Variants in DOCK9 observed in about 807,000 individuals in gnomAD.
The protein encoded by DOCK9 is dedicator of cytokinesis 9.
In DOCK9, 89 loss-of-function variants were observed where a neutral mutation model predicts 263.3. The observed-to-expected ratio is 0.34, with a 90% CI of 0.28 to 0.40. DOCK9 has a LOEUF of 0.40. Among genes scored for constraint, DOCK9 ranks in the 10% least tolerant of loss-of-function variants. The pLI, the probability that DOCK9 is intolerant of heterozygous loss-of-function variation, is 1.00. For missense variants in DOCK9, 2,140 were observed against 2,603.4 expected, an observed-to-expected ratio of 0.82 and a Z score of 3.87; for synonymous variants, 976 against 973.1, an observed-to-expected ratio of 1.00 and a Z score of -0.06.
chr13:98,976,913 A>T (rs2060331198), intron 1 of DOCK9, among the ~76,000 whole-genome samples: 2 of 146,970 alleles, frequency 1.4e-5, no homozygotes, highest in Non-Finnish European at 3.0e-5. Flanking sequence ...CTTCATGGTA[A>T]CATCAACTGA....
chr13:98,927,359 C>T (rs1302955248), intron 3 of DOCK9, among the ~76,000 whole-genome samples: 1 of 152,138 alleles, frequency 6.6e-6, no homozygotes, highest in Non-Finnish European at 1.5e-5. Flanking sequence ...TTTCCCACTA[C>T]TGCCCCTAGG....
intron 1 of DOCK9, among the ~76,000 whole-genome samples, chr13:99,012,180 T>C (rs1443129509): frequency 6.6e-6 from 1 of 152,188 alleles, no homozygotes; most frequent in Non-Finnish European, 1.5e-5. Flanking sequence ...AAGTAAGCAA[T>C]GCCCTCAATA....
chr13:98,835,465 G>C (rs901054272), intron 39 of DOCK9, among the ~76,000 whole-genome samples: 23 of 152,168 alleles, frequency 1.5e-4, no homozygotes, highest in African/African-American at 4.3e-4. Context: ...CTCCCAGCTG[G>C]GGGGAGGTGA....
chr13:98,906,686 G>A (rs1182957100), intron 9 of DOCK9, among the ~76,000 whole-genome samples: 8 of 152,158 alleles, frequency 5.3e-5, no homozygotes, highest in African/African-American at 1.2e-4. Context: ...CATGGATAAC[G>A]AGAAAATAAG....
intron 1 of DOCK9, among the ~76,000 whole-genome samples, chr13:98,955,788 T>C (rs567720210): frequency 6.6e-6 from 1 of 152,368 alleles, no homozygotes; most frequent in Admixed American, 6.5e-5. Context: ...AAGCTCTGCA[T>C]TCTGGTGGAG....
At position 98,874,119 on chromosome 13, in the gene DOCK9, G is replaced by C. The variant is rs541292422; in HGVS notation, c.2944-5742C>G. On this transcript the variant is annotated intron_variant, in intron 27 of 52. Coordinates refer to ENST00000682017, the MANE Select transcript of DOCK9 (RefSeq NM_001366683.2). ...TAACTGTAACCATCACCACAGTCAA[G>C]AAGAGAAAGTACATCTGTTGTCCCC... 3.3e-5 allele frequency among the ~76,000 whole-genome samples: 5 copies of C among 152,320 alleles called. No homozygotes were observed. In the South Asian group the frequency reaches 1.0e-3, roughly 32 times the overall value.
In DOCK9 at chr13:98,860,482, G is replaced by A. The variant is rs1282948452; in HGVS notation, c.3620C>T (p.Pro1207Leu). 1.1e-5 allele frequency: 17 copies of A among 1,584,150 alleles called. No homozygotes were observed. Among genetic ancestry groups the A allele is most frequent in the Admixed American group, 1.8e-5 (1 of 56,176 alleles). Residue 1207 changes from proline to leucine, a missense_variant, in exon 33 of 53, where the codon CCG (proline) becomes CTG (leucine). By Grantham distance (98) the Pro-to-Leu change is moderately conservative. Coordinates refer to ENST00000682017, the MANE Select transcript of DOCK9 (RefSeq NM_001366683.2). ...GCTTCCCTTCTGCGGCGTCACCAGC[G>A]GATTCACAGCTGGTAGAGCCAGGGA... Reference protein sequence around the residue: ...DESLALPAVNPLVTPQKGSTL... With the variant: ...DESLALPAVNLLVTPQKGSTL...
intron 49 of DOCK9, among the ~76,000 whole-genome samples, chr13:98,804,180 G>C (rs1212912218): frequency 6.6e-6 from 1 of 152,180 alleles, no homozygotes. Context: ...CTCTTTGGAA[G>C]ACGTGTGGTG....
intron 2 of DOCK9, among the ~76,000 whole-genome samples, chr13:98,933,651 G>A (rs1222682475): frequency 6.6e-6 from 1 of 152,202 alleles, no homozygotes; most frequent in Non-Finnish European, 1.5e-5. Context: ...CATACGTAGT[G>A]TAGCATAACT....
chr13:98,989,239 G>A (rs1490669656), intron 1 of DOCK9, among the ~76,000 whole-genome samples: 1 of 151,894 alleles, frequency 6.6e-6, no homozygotes, highest in East Asian at 1.9e-4. Context: ...GTGAGGTGAA[G>A]CCAAGACCCC....
rs765637203 is a variant in DOCK9 at position 98,856,002 on chromosome 13, T to C, written c.3727A>G (p.Ile1243Val). 6.2e-7 allele frequency: 1 copy of C among 1,613,888 alleles called. No individual in the cohort carries two copies. Among genetic ancestry groups the C allele is most frequent in the African/African-American group, 1.3e-5 (1 of 74,934 alleles). The change falls in exon 34 of 53, where the codon ATC becomes GTC. Residue 1243 changes from isoleucine to valine, a missense_variant. Ile to Val is a conservative substitution (Grantham distance 29, BLOSUM62 3). This residue lies in a region of DOCK9 where 1,521 missense variants were observed against 1,741.7 expected (regional missense o/e 0.87). Transcript: ENST00000682017. ...ASPYTTSTPN[I>V]NSVRNADSRG... Reference sequence around the variant, plus strand: ...GAATCAGCATTTCTCACACTGTTGATGTTTGGAGTTGAGGTTGTATATGGA... The same window carrying C: ...GAATCAGCATTTCTCACACTGTTGACGTTTGGAGTTGAGGTTGTATATGGA...
chr13:98,989,717 C>G (rs1406105961), intron 1 of DOCK9, among the ~76,000 whole-genome samples: 1 of 152,282 alleles, frequency 6.6e-6, no homozygotes, highest in Admixed American at 6.5e-5. Context: ...AGAACACACA[C>G]CTTAGCCTTA....
intron 1 of DOCK9, among the ~76,000 whole-genome samples, chr13:99,004,820 C>G (rs530202018): frequency 5.6e-4 from 83 of 148,904 alleles, no homozygotes; most frequent in African/African-American, 1.8e-3. Flanking sequence ...CACACACACA[C>G]AGTCACATGT....
intron 38 of DOCK9, among the ~76,000 whole-genome samples, chr13:98,843,957 T>C (rs2093308095): frequency 6.6e-6 from 1 of 152,256 alleles, no homozygotes; most frequent in African/African-American, 2.4e-5. Flanking sequence ...GCAGCACTGG[T>C]GTACTTATGA....
intron 1 of DOCK9, among the ~76,000 whole-genome samples, chr13:99,002,779 G>C (rs1026784650): frequency 1.3e-5 from 2 of 152,194 alleles, no homozygotes; most frequent in Admixed American, 1.3e-4. Context: ...GGTATGGAGG[G>C]AAAGAGCACA....
At chr13:98,942,531 C>G (rs1353316833) in intron 2 of DOCK9, among the ~76,000 whole-genome samples, 1 of 152,160 alleles carries the variant, frequency 6.6e-6, no homozygotes, top group African/African-American at 2.4e-5. Context: ...AGCCACCGCG[C>G]CCAGCTGGTT....
rs894836681 is a variant in DOCK9, at chr13:98,817,448, C to A, written c.5130+6950G>T. 1.4e-4 allele frequency among the ~76,000 whole-genome samples: 6 copies of A among 42,412 alleles called. No individual in the cohort carries two copies. The Admixed American group carries it at 2.0e-3, about 14-fold the overall frequency. 27.8% of individuals were successfully genotyped at this position (42,412 alleles called of 152,430 possible). ...CAGTGTGAGAACAGACTAATACACCCAGCTTTTTTTTTTTTTTTTTTTTTG... is the reference window on the plus strand; with the variant it reads ...CAGTGTGAGAACAGACTAATACACCAAGCTTTTTTTTTTTTTTTTTTTTTG... On this transcript the variant is annotated intron_variant, in intron 45 of 52. Transcript: ENST00000682017.
intron 52 of DOCK9, chr13:98,796,121 A>T: frequency 9.7e-7 from 1 of 1,028,216 alleles, no homozygotes; most frequent in Non-Finnish European, 1.5e-6. Flanking sequence ...CATTATGCCA[A>T]TGTCTGTAGT....
intron 45 of DOCK9, among the ~76,000 whole-genome samples, chr13:98,814,934 TCAAAATAAAATAAAA>T (rs1389743282): frequency 4.5e-5 from 5 of 110,696 alleles, no homozygotes; most frequent in Non-Finnish European, 9.0e-5. Flanking sequence ...AGATTCTGTC[TCAAAATAAAATAAAA>T]TAAAATAAAA....
Sources: allele counts gnomAD v4.1 joint callset (sites outside exome capture counted in the v4.1 genomes callset), GRCh38; gene constraint gnomAD v4.1.1; regional missense constraint gnomAD v4.1.1; transcripts MANE v1.5; gene names NCBI Gene and HGNC (gene_info 2026-07-23, HGNC 2026-07-21).